Variants in NMT2 observed in about 807,000 individuals in gnomAD.
NMT2 encodes the protein N-myristoyltransferase 2, also known as glycylpeptide N-tetradecanoyltransferase 2.
A neutral mutation model predicts 65.4 loss-of-function variants in NMT2; 35 were observed. The ratio of observed to expected loss-of-function variants is 0.54; its 90% CI spans 0.41 to 0.71. The LOEUF (loss-of-function observed/expected upper bound fraction) is 0.71, where lower values mean the gene tolerates loss of function less well. NMT2 is among the 30% of genes least tolerant of loss of function. The pLI, the probability that NMT2 is intolerant of heterozygous loss-of-function variation, is 0.00. For synonymous variants in NMT2, 226 were observed against 231.8 expected (o/e 0.98, Z 0.23); for missense variants, 489 against 611.3 (o/e 0.80, Z 2.11).
At chr10:15,147,435 C>T (rs1038838371) in intron 1 of NMT2, among the ~76,000 whole-genome samples, 5 of 151,880 alleles carry the variant, frequency 3.3e-5, no homozygotes, top group South Asian at 2.1e-4. Context: ...TAAACTACAA[C>T]GGAACTGAAG....
rs563310615 is a variant in NMT2 at position 15,109,957 on chromosome 10, G to A, written c.1339-118C>T. The A allele has an allele frequency of 7.8e-4, 637 of 816,762 alleles. 1 individual carries two copies. Among genetic ancestry groups the A allele is most frequent in the Middle Eastern group, 3.8e-3 (10 of 2,606 alleles). The allele number at this position is 816,762 out of a possible 1,614,324, so 50.6% of individuals were successfully genotyped here. A position where few individuals can be genotyped will look rare whatever the true frequency, so the allele number is the denominator to read the frequency against. On this transcript the variant is annotated intron_variant, in intron 10 of 11. Coordinates refer to ENST00000378165, the MANE Select transcript of NMT2 (RefSeq NM_004808.3). Reference sequence around the variant, plus strand: ...ATATGCATTTCTAATAGGATTTAACGTCCGTGATATATAGCATAGGTTAAG... The same window carrying A: ...ATATGCATTTCTAATAGGATTTAACATCCGTGATATATAGCATAGGTTAAG...
intron 1 of NMT2, among the ~76,000 whole-genome samples, chr10:15,143,815 A>G (rs911638282): frequency 6.6e-6 from 1 of 152,198 alleles, no homozygotes; most frequent in African/African-American, 2.4e-5. Context: ...TGATCATGCC[A>G]CTGCACTCCA....
intron 10 of NMT2, among the ~76,000 whole-genome samples, chr10:15,110,274 T>C (rs985319939): frequency 1.3e-5 from 2 of 151,834 alleles, no homozygotes; most frequent in Non-Finnish European, 2.9e-5. Flanking sequence ...CTTTTTTTTT[T>C]TCTTTCTTTA....
Position 15,168,646 on chromosome 10 carries a change from G to C in NMT2, c.-34C>G, listed in dbSNP as rs767901901. 3 of 1,530,930 alleles carry C rather than the reference G, an allele frequency of 2.0e-6. No individual in the cohort carries two copies. The highest frequency in any genetic ancestry group is 2.6e-5 in the East Asian group (1 of 39,186). The allele number at this position is 1,530,930 out of a possible 1,614,324, so 94.8% of individuals were successfully genotyped here. On this transcript the variant is annotated 5_prime_UTR_variant, in exon 1 of 12. Coordinates refer to ENST00000378165, the MANE Select transcript of NMT2 (RefSeq NM_004808.3). ...CGCTGGCTGGGGAGGCGGTGCTCGG[G>C]GCCGGGCCGGAGCGGCCGCAGCTCC...
intron 1 of NMT2, among the ~76,000 whole-genome samples, chr10:15,161,108 A>AAAAAAAAAAAAAAC (rs1833180224): frequency 6.7e-6 from 1 of 150,026 alleles, no homozygotes; most frequent in Admixed American, 6.7e-5. Flanking sequence ...AAAAAAAAAA[A>AAAAAAAAAAAAAAC]AACACAAAGA....
rs1169255963 is a variant in NMT2 at position 15,113,463 on chromosome 10, C to CAAAAAAAAAAAAAAAA, written c.1171-516_1171-501dup. On this transcript the variant is annotated intron_variant, in intron 9 of 11. Transcript: ENST00000378165. ...CCAGCCTGGGCGACAGGATGAGACT[C>CAAAAAAAAAAAAAAAA]AAAAAAAAAAAAAAAAAAAAAAAAA... Among the ~76,000 whole-genome samples, 44 of 36,990 alleles carry CAAAAAAAAAAAAAAAA rather than the reference C, an allele frequency of 1.2e-3. 3 individuals carry two copies. The highest frequency in any genetic ancestry group is 3.5e-3 in the African/African-American group (38 of 10,828). The allele number at this position is 36,990 out of a possible 152,430, so 24.3% of individuals were successfully genotyped here. A position where few individuals can be genotyped will look rare whatever the true frequency, so the allele number is the denominator to read the frequency against.
chr10:15,114,129 T>C (rs767767058), intron 9 of NMT2, among the ~76,000 whole-genome samples: 2 of 152,216 alleles, frequency 1.3e-5, no homozygotes, highest in Admixed American at 6.5e-5. Context: ...GATTCCCTAC[T>C]GCTCTATATT....
chr10:15,123,933 T>A (rs1846003343), intron 8 of NMT2, among the ~76,000 whole-genome samples: 3 of 152,200 alleles, frequency 2.0e-5, no homozygotes, highest in African/African-American at 7.2e-5. Context: ...ACAAACCGTT[T>A]GAGAGCCAAG....
intron 6 of NMT2, among the ~76,000 whole-genome samples, chr10:15,132,315 AAC>A (rs1396434796): frequency 6.6e-6 from 1 of 152,168 alleles, no homozygotes; most frequent in Admixed American, 6.5e-5. Flanking sequence ...TATATTTTAA[AAC>A]AGTTTTAGGT....
chr10:15,108,658 A>T lies in NMT2; in HGVS notation c.*537T>A, dbSNP rs959955182. 66 of 989,752 alleles carry T rather than the reference A, an allele frequency of 6.7e-5. No individual in the cohort carries two copies. The highest frequency in any genetic ancestry group is 7.4e-5 in the Non-Finnish European group (62 of 833,326). 61.3% of individuals were successfully genotyped at this position (989,752 alleles called of 1,614,324 possible). A position where few individuals can be genotyped will look rare whatever the true frequency, so the allele number is the denominator to read the frequency against. ...TACATTTTAATATTGCTCTGCACTT[A>T]AACAACCACCACCTGTCACTGAGCT... On this transcript the variant is annotated 3_prime_UTR_variant, in exon 12 of 12. Coordinates refer to ENST00000378165, the MANE Select transcript of NMT2 (RefSeq NM_004808.3).
At chr10:15,149,841 G>A (rs1832743278) in intron 1 of NMT2, among the ~76,000 whole-genome samples, 1 of 152,060 alleles carries the variant, frequency 6.6e-6, no homozygotes, top group Non-Finnish European at 1.5e-5. Flanking sequence ...AGACAGCCTG[G>A]CTCCAAAATC....
At chr10:15,141,588 C>A (rs759062699) in intron 1 of NMT2, 31 bp from the exon 2 acceptor site, 1 of 1,573,134 alleles carries the variant, frequency 6.4e-7, no homozygotes, top group Non-Finnish European at 8.6e-7. Flanking sequence ...GTGAAACCAA[C>A]CAACAAACAA....
intron 6 of NMT2, among the ~76,000 whole-genome samples, chr10:15,130,824 C>G (rs1379437819): frequency 7.5e-6 from 1 of 133,188 alleles, no homozygotes; most frequent in African/African-American, 2.9e-5. Flanking sequence ...GATTGTCGCA[C>G]TGTCACCCAG....
At chr10:15,129,404 C>G (rs147111786) in intron 7 of NMT2, among the ~76,000 whole-genome samples, 2 of 152,318 alleles carry the variant, frequency 1.3e-5, no homozygotes, top group African/African-American at 4.8e-5. Flanking sequence ...TGATCATTTT[C>G]TCACTGGAAT....
In NMT2 at chr10:15,106,562, T is replaced by G. The variant is rs1391260155; in HGVS notation, c.*2633A>C. On this transcript the variant is annotated 3_prime_UTR_variant, in exon 12 of 12. Coordinates refer to ENST00000378165, the MANE Select transcript of NMT2 (RefSeq NM_004808.3). ...TATCTCCAAGAGAGGTCCTATATTA[T>G]GTACTACTGTGGGGCCCAGTCGCCC... is the stretch of plus-strand genomic sequence containing the variant. 1 of 716,262 alleles carries G rather than the reference T, an allele frequency of 1.4e-6. No homozygotes were observed. The highest frequency in any genetic ancestry group is 1.7e-6 in the Non-Finnish European group (1 of 584,194). The allele number at this position is 716,262 out of a possible 1,614,324, so 44.4% of individuals were successfully genotyped here. A position where few individuals can be genotyped will look rare whatever the true frequency, so the allele number is the denominator to read the frequency against.
Position 15,106,052 on chromosome 10 carries a change from T to C in NMT2, c.*3143A>G. On this transcript the variant is annotated 3_prime_UTR_variant, in exon 12 of 12. Coordinates refer to ENST00000378165, the MANE Select transcript of NMT2 (RefSeq NM_004808.3). ...CTCTGTTGCCCAGGCTGGAGTGCAG[T>C]GGTGTGATCCCGGCTCACTGCAACC... The C allele has an allele frequency of 2.5e-6, 1 of 393,576 alleles. No individual in the cohort carries two copies. Among genetic ancestry groups the C allele is most frequent in the Non-Finnish European group, 5.0e-6 (1 of 201,494 alleles). 24.4% of individuals were successfully genotyped at this position (393,576 alleles called of 1,614,324 possible).
At chr10:15,124,334 G>A (rs1480449364) in intron 8 of NMT2, among the ~76,000 whole-genome samples, 1 of 152,228 alleles carries the variant, frequency 6.6e-6, no homozygotes, top group East Asian at 1.9e-4. Flanking sequence ...GAATGGCGCA[G>A]GCCCTGCGAC....
At chr10:15,127,546 CAAAAA>C (rs1239422956) in intron 8 of NMT2, among the ~76,000 whole-genome samples, 2 of 51,370 alleles carry the variant, frequency 3.9e-5, no homozygotes, top group African/African-American at 9.9e-5. Context: ...GACTCCGTCT[CAAAAA>C]AAAAAAAAAA....
In NMT2 at chr10:15,108,669, A is replaced by G; in HGVS notation, c.*526T>C. On this transcript the variant is annotated 3_prime_UTR_variant, in exon 12 of 12. Transcript: ENST00000378165. Reference sequence around the variant, plus strand: ...ATTGCTCTGCACTTAAACAACCACCACCTGTCACTGAGCTACAGAAGTGTT... The same window carrying G: ...ATTGCTCTGCACTTAAACAACCACCGCCTGTCACTGAGCTACAGAAGTGTT... 1 of 990,532 alleles carries G rather than the reference A, an allele frequency of 1.0e-6. No individual in the cohort carries two copies. The highest frequency in any genetic ancestry group is 4.6e-5 in the South Asian group (1 of 21,718). The allele number at this position is 990,532 out of a possible 1,614,324, so 61.4% of individuals were successfully genotyped here.
Sources: allele counts gnomAD v4.1 joint callset (sites outside exome capture counted in the v4.1 genomes callset), GRCh38; gene constraint gnomAD v4.1.1; transcripts MANE v1.5; gene names NCBI Gene and HGNC (gene_info 2026-07-23, HGNC 2026-07-21).